Variants in CORO2B observed in about 807,000 individuals in gnomAD.
CORO2B encodes coronin-2B.
CORO2B carries 26 observed loss-of-function variants against 58.8 expected under a neutral mutation model. The ratio of observed to expected loss-of-function variants is 0.44; its 90% CI spans 0.32 to 0.61. The LOEUF (loss-of-function observed/expected upper bound fraction) is 0.61, where lower values mean the gene tolerates loss of function less well. CORO2B is among the 20% of genes least tolerant of loss of function. The pLI is 0.04. For missense variants in CORO2B, 460 were observed against 645.1 expected (o/e 0.71, Z 3.11); for synonymous variants, 242 against 253.8 (o/e 0.95, Z 0.44).
chr15:68,583,288 G>A (rs1344613660), intron 1 of CORO2B, among the ~76,000 whole-genome samples: 1 of 152,222 alleles, frequency 6.6e-6, no homozygotes, highest in African/African-American at 2.4e-5. Context: ...TTTGGAGCGG[G>A]CAAATCACCC....
At chr15:68,615,626 A>T (rs925156696) in intron 1 of CORO2B, among the ~76,000 whole-genome samples, 1 of 152,194 alleles carries the variant, frequency 6.6e-6, no homozygotes, top group Non-Finnish European at 1.5e-5. Context: ...ATGATAAATC[A>T]TGAAGATTAA....
At chr15:68,656,500 T>A (rs1315415932) in intron 2 of CORO2B, among the ~76,000 whole-genome samples, 1 of 152,050 alleles carries the variant, frequency 6.6e-6, no homozygotes, top group Non-Finnish European at 1.5e-5. Context: ...GCAAGACACT[T>A]GGTCAAGGTT....
chr15:68,662,623 A>G (rs138546616), intron 2 of CORO2B, among the ~76,000 whole-genome samples: 1 of 152,370 alleles, frequency 6.6e-6, no homozygotes, highest in African/African-American at 2.4e-5. Flanking sequence ...TTAGCCTCAC[A>G]TGCATTTTAA....
At chr15:68,636,824 C>A (rs1434880465) in intron 1 of CORO2B, among the ~76,000 whole-genome samples, 1 of 152,186 alleles carries the variant, frequency 6.6e-6, no homozygotes, top group African/African-American at 2.4e-5. Flanking sequence ...TAATTGATGT[C>A]TTTTCTCCCA....
chr15:68,627,524 G>A (rs1351303892), intron 1 of CORO2B, among the ~76,000 whole-genome samples: 2 of 152,144 alleles, frequency 1.3e-5, no homozygotes, highest in African/African-American at 4.8e-5. Context: ...TTGGGGTTGG[G>A]GAGGTGGAGG....
chr15:68,563,383 G>A, the CORO2B span, among the ~76,000 whole-genome samples: 1 of 151,922 alleles, frequency 6.6e-6, no homozygotes, highest in Non-Finnish European at 1.5e-5. Context: ...CCAGCTACTC[G>A]GGAGGCTGAG....
intron 1 of CORO2B, among the ~76,000 whole-genome samples, chr15:68,580,565 G>A (rs1899403892): frequency 6.6e-6 from 1 of 152,196 alleles, no homozygotes; most frequent in Non-Finnish European, 1.5e-5. Flanking sequence ...CTGGGACTTG[G>A]GAGCATTGTG....
chr15:68,655,182 G>A lies in CORO2B; in HGVS notation c.216+9822G>A, dbSNP rs556134613. ...TAAAGGTTTTACCACAGTGCCTGGC[G>A]TACAGCAAGTGCTCAACAAATCTGA... On this transcript the variant is annotated intron_variant, in intron 2 of 11. Coordinates refer to ENST00000261861, the MANE Select transcript of CORO2B (RefSeq NM_006091.5). 5.0e-4 allele frequency among the ~76,000 whole-genome samples: 76 copies of A among 152,346 alleles called. 1 individual carries two copies. Among genetic ancestry groups the A allele is most frequent in the African/African-American group, 1.7e-3 (71 of 41,570 alleles).
rs912592068 is a variant in CORO2B, at chr15:68,632,807, G to A, written c.16-12353G>A. Among the ~76,000 whole-genome samples the A allele has an allele frequency of 2.6e-5, 4 of 152,274 alleles. No individual in the cohort carries two copies. The East Asian group carries it at 5.8e-4, about 22-fold the overall frequency. ...GGGTTTTGCCACGTTGGTCAGGCTG[G>A]TCTCAAACTCCTGACCTCAAGTGAT... On this transcript the variant is annotated intron_variant, in intron 1 of 11. Coordinates refer to ENST00000261861, the MANE Select transcript of CORO2B (RefSeq NM_006091.5).
At chr15:68,551,441 C>T in the CORO2B span, among the ~76,000 whole-genome samples, 1 of 152,160 alleles carries the variant, frequency 6.6e-6, no homozygotes, top group Non-Finnish European at 1.5e-5. Flanking sequence ...GGTGAAGAGG[C>T]GCAGCTCACC....
intron 3 of CORO2B, among the ~76,000 whole-genome samples, chr15:68,699,357 G>T (rs1338092028): frequency 6.6e-6 from 1 of 152,138 alleles, no homozygotes; most frequent in East Asian, 1.9e-4. Context: ...GAACCAAGGG[G>T]ACCTGTGTGG....
chr15:68,668,333 G>A (rs960225695), intron 2 of CORO2B, among the ~76,000 whole-genome samples: 4 of 152,140 alleles, frequency 2.6e-5, no homozygotes, highest in African/African-American at 7.2e-5. Flanking sequence ...AGACAACACA[G>A]ACAAGGTCCC....
chr15:68,577,724 CAAAAAAAA>C (rs11389925), upstream of CORO2B, among the ~76,000 whole-genome samples: 1 of 108,834 alleles, frequency 9.2e-6, no homozygotes, highest in Non-Finnish European at 1.8e-5. Flanking sequence ...ACTCCGGTCT[CAAAAAAAA>C]AAAAAAAAAA....
chr15:68,704,033 CACACAT>C (rs1187709673), intron 3 of CORO2B, among the ~76,000 whole-genome samples: 4 of 92,028 alleles, frequency 4.3e-5, no homozygotes, highest in African/African-American at 8.5e-5. Context: ...TTTCTCTACA[CACACAT>C]ACACACACAC....
chr15:68,568,873 C>T, the CORO2B span, among the ~76,000 whole-genome samples: 11 of 152,218 alleles, frequency 7.2e-5, no homozygotes, highest in African/African-American at 1.9e-4. Flanking sequence ...CTAATGCATA[C>T]GGGGCTTAAT....
At chr15:68,531,564 G>T in the CORO2B span, among the ~76,000 whole-genome samples, 1 of 131,072 alleles carries the variant, frequency 7.6e-6, no homozygotes, top group Non-Finnish European at 1.6e-5. Flanking sequence ...AGGAAAGAAA[G>T]AGAAAGAAAG....
At chr15:68,712,826 C>A (rs11855716) in intron 5 of CORO2B, among the ~76,000 whole-genome samples, 4,384 of 152,088 alleles carry the variant, frequency 0.029, 231 homozygotes, top group African/African-American at 0.1. Flanking sequence ...TCTCACAGTT[C>A]CAGGAGGAGC....
At chr15:68,679,665 C>A (rs1048506421) in intron 2 of CORO2B, among the ~76,000 whole-genome samples, 2 of 152,290 alleles carry the variant, frequency 1.3e-5, no homozygotes, top group East Asian at 3.9e-4. Context: ...CAGTCATTAG[C>A]GTGAGCTGAG....
At position 68,627,076 on chromosome 15, in the gene CORO2B, C is replaced by T. The variant is rs12438042; in HGVS notation, c.16-18084C>T. ...TACCTTTTTTCTGCCTCTGTTTCTACGCCTGCAAAATGGGCACAATAATGT... is the reference window on the plus strand; with the variant it reads ...TACCTTTTTTCTGCCTCTGTTTCTATGCCTGCAAAATGGGCACAATAATGT... On this transcript the variant is annotated intron_variant, in intron 1 of 11. Coordinates refer to ENST00000261861, the MANE Select transcript of CORO2B (RefSeq NM_006091.5). 7.7e-3 allele frequency among the ~76,000 whole-genome samples: 1,178 copies of T among 152,284 alleles called. 16 individuals carry two copies. Among genetic ancestry groups the T allele is most frequent in the Admixed American group, 0.033 (505 of 15,304 alleles).
Sources: gnomAD v4.1 joint callset for allele counts (sites outside exome capture counted in the v4.1 genomes callset) on GRCh38, gnomAD v4.1.1 for gene constraint, MANE v1.5 for transcripts, NCBI Gene and HGNC (gene_info 2026-07-23, HGNC 2026-07-21) for gene names.